The following EFCAB6 variants were observed in gnomAD, a reference collection of about 807,000 sequenced individuals.
The protein encoded by EFCAB6 is EF-hand calcium-binding domain-containing protein 6.
EFCAB6 carries 156 observed loss-of-function variants against 169.8 expected under a neutral mutation model. That is an observed-to-expected ratio of 0.92 (90% CI 0.81 to 1.05). The LOEUF is 1.05. EFCAB6 is among the 50% of genes least tolerant of loss of function. The pLI is 0.00. For missense variants in EFCAB6, 1,800 were observed against 1,829.1 expected, an observed-to-expected ratio of 0.98 and a Z score of 0.29; for synonymous variants, 698 against 676.4, an observed-to-expected ratio of 1.03 and a Z score of -0.50.
chr22:43,584,047 A>G lies in EFCAB6; in HGVS notation c.3033-3388T>C, dbSNP rs2050898566. 2.0e-5 allele frequency among the ~76,000 whole-genome samples: 3 copies of G among 152,188 alleles called. No homozygotes were observed. The South Asian group carries it at 6.2e-4, about 32-fold the overall frequency. Reference sequence around the variant, plus strand: ...ATATTTACATAGTTATAATAATAAAATGGTATTTAATAGTTTTCAAGTTTT... The same window carrying G: ...ATATTTACATAGTTATAATAATAAAGTGGTATTTAATAGTTTTCAAGTTTT... On this transcript the variant is annotated intron_variant, in intron 24 of 31. Coordinates refer to ENST00000262726, the MANE Select transcript of EFCAB6 (RefSeq NM_022785.4).
At position 43,772,995 on chromosome 22, in the gene EFCAB6, T is replaced by C. The variant is rs1462863183; in HGVS notation, c.248A>G (p.Asp83Gly). 1 of 1,614,124 alleles carries C rather than the reference T, an allele frequency of 6.2e-7. No individual in the cohort carries two copies. The highest frequency in any genetic ancestry group is 1.3e-5 in the African/African-American group (1 of 74,946). Residue 83 changes from aspartate to glycine, a missense_variant, in exon 4 of 32, where the codon GAT becomes GGT. By Grantham distance (94) the Asp-to-Gly change is moderately conservative. Transcript: ENST00000262726. ...DELQKAFQLLDTGQNLTVSKS... is the reference protein window; with the variant it reads ...DELQKAFQLLGTGQNLTVSKS... ...TGACACAGTCAAGTTCTGACCAGTA[T>C]CCAGCAGCTGAAAGGCTTTTTGCAA...
At chr22:43,749,618 G>A (rs1222709373) in intron 6 of EFCAB6, among the ~76,000 whole-genome samples, 1 of 152,134 alleles carries the variant, frequency 6.6e-6, no homozygotes, top group East Asian at 1.9e-4. Context: ...GATCTGACAG[G>A]AGGCGGAGCT....
intron 7 of EFCAB6, among the ~76,000 whole-genome samples, chr22:43,735,531 G>T (rs932836067): frequency 3.3e-5 from 5 of 152,112 alleles, no homozygotes; most frequent in African/African-American, 1.2e-4. Flanking sequence ...ATGTGGGATG[G>T]GGGGGCGGGC....
At chr22:43,796,324 C>CA (rs1202968595) in intron 2 of EFCAB6, among the ~76,000 whole-genome samples, 1 of 152,008 alleles carries the variant, frequency 6.6e-6, no homozygotes, top group African/African-American at 2.4e-5. Context: ...CGTCAACCTC[C>CA]AAAAAATGAT....
rs559933283 is a variant in EFCAB6, at chr22:43,633,473, A to G, written c.2099-1235T>C. 3.0e-3 allele frequency among the ~76,000 whole-genome samples: 459 copies of G among 152,286 alleles called. 3 individuals are homozygous for G. In the Middle Eastern group the frequency reaches 0.034, roughly 11 times the overall value. On this transcript the variant is annotated intron_variant, in intron 18 of 31. Transcript: ENST00000262726. The stretch of plus-strand genomic sequence containing the variant: ...TGAGGCAGGAGAATCACTTGAACCC[A>G]GGAGGCTGAGGTTGCAGTGAGCTGA...
chr22:43,632,611 T>A (rs1406790054), intron 18 of EFCAB6, among the ~76,000 whole-genome samples: 1 of 152,230 alleles, frequency 6.6e-6, no homozygotes, highest in Non-Finnish European at 1.5e-5. Context: ...ACTGGCTTCA[T>A]TTCTACATCA....
At chr22:43,612,993 C>A (rs973487870) in intron 21 of EFCAB6, among the ~76,000 whole-genome samples, 1 of 150,166 alleles carries the variant, frequency 6.7e-6, no homozygotes, top group Admixed American at 6.6e-5. Context: ...ATTAGTCCAA[C>A]CATTGTGGAA....
chr22:43,601,746 A>T (rs2052539649), intron 22 of EFCAB6, among the ~76,000 whole-genome samples: 1 of 152,248 alleles, frequency 6.6e-6, no homozygotes. Flanking sequence ...ACGTTTGGGT[A>T]AATGTTGCTT....
At chr22:43,688,359 G>A (rs947916223) in intron 10 of EFCAB6, among the ~76,000 whole-genome samples, 3 of 152,166 alleles carry the variant, frequency 2.0e-5, no homozygotes, top group Admixed American at 6.5e-5. Flanking sequence ...CACTAGGCTC[G>A]TGTACTTTGT....
At chr22:43,649,007 C>T (rs2056326804) in intron 17 of EFCAB6, among the ~76,000 whole-genome samples, 1 of 151,176 alleles carries the variant, frequency 6.6e-6, no homozygotes, top group Admixed American at 6.6e-5. Flanking sequence ...AGGAAAGAAC[C>T]AGGCTTGAGT....
chr22:43,689,378 C>CACACACACACACAG (rs1030146132), intron 10 of EFCAB6, among the ~76,000 whole-genome samples: 2 of 151,882 alleles, frequency 1.3e-5, no homozygotes, highest in African/African-American at 2.4e-5. Context: ...CACACACACA[C>CACACACACACACAG]AGCAGCATCT....
chr22:43,657,923 A>C (rs1050085698), intron 17 of EFCAB6, among the ~76,000 whole-genome samples: 2 of 152,166 alleles, frequency 1.3e-5, no homozygotes, highest in East Asian at 1.9e-4. Context: ...TGATTACAAA[A>C]GTAATCTTTT....
At chr22:43,636,648 T>A (rs937810699) in intron 17 of EFCAB6, among the ~76,000 whole-genome samples, 1 of 148,700 alleles carries the variant, frequency 6.7e-6, no homozygotes, top group Non-Finnish European at 1.5e-5. Flanking sequence ...TCTCACTCTG[T>A]CACCCAGGCT....
intron 17 of EFCAB6, among the ~76,000 whole-genome samples, chr22:43,660,020 G>T (rs922623205): frequency 2.2e-4 from 33 of 152,170 alleles, no homozygotes; most frequent in Admixed American, 2.2e-3. Flanking sequence ...GCAGCTCTGC[G>T]TCTGTCTCCA....
At chr22:43,535,421 C>T (rs972951724) in intron 29 of EFCAB6, 1 of 152,428 alleles carries the variant, frequency 6.6e-6, no homozygotes, top group African/African-American at 2.4e-5. Flanking sequence ...ACAGGGACCA[C>T]CTTTAGGAGA....
chr22:43,618,962 A>C (rs1252792645), intron 20 of EFCAB6, among the ~76,000 whole-genome samples: 2 of 151,586 alleles, frequency 1.3e-5, no homozygotes, highest in East Asian at 3.9e-4. Context: ...CCTCACCATG[A>C]GACATGCGGA....
In EFCAB6 at chr22:43,628,779, CCTCCCACGATCCTCT is replaced by C; in HGVS notation, c.2233-2115_2233-2101del. ...GTACAATGGCACCAGCCCTGACTGG[CCTCCCACGATCCTCT>C]ACTTTTCTCTTTGGCACATGTCACC... On this transcript the variant is annotated intron_variant, in intron 19 of 31. Transcript: ENST00000262726. This position sits in a 1 kb window ranked among gnomAD's most constrained non-coding sequence, Gnocchi z 4.8. 6.6e-6 allele frequency among the ~76,000 whole-genome samples: 1 copy of C among 152,204 alleles called. No homozygotes were observed. Among genetic ancestry groups the C allele is most frequent in the Non-Finnish European group, 1.5e-5 (1 of 68,050 alleles).
At chr22:43,703,519 A>T (rs1002051955) in intron 10 of EFCAB6, among the ~76,000 whole-genome samples, 2 of 152,184 alleles carry the variant, frequency 1.3e-5, no homozygotes, top group Non-Finnish European at 2.9e-5. Flanking sequence ...AGAAAGGAAG[A>T]TGTATTAAAT....
chr22:43,747,480 G>A (rs1045891108), intron 6 of EFCAB6, among the ~76,000 whole-genome samples: 1 of 152,122 alleles, frequency 6.6e-6, no homozygotes, highest in Non-Finnish European at 1.5e-5. Flanking sequence ...AAGTCGAAGT[G>A]GCGCCCAGTT....
Sources: allele counts gnomAD v4.1 joint callset (sites outside exome capture counted in the v4.1 genomes callset), GRCh38; gene constraint gnomAD v4.1.1; non-coding constraint Gnocchi (gnomAD v3.1); transcripts MANE v1.5; gene names NCBI Gene and HGNC (gene_info 2026-07-23, HGNC 2026-07-21).